MACROD2: variants seen among roughly 807,000 people sequenced by gnomAD.
The protein encoded by MACROD2 is ADP-ribose glycohydrolase MACROD2.
Under a neutral mutation model 70.4 loss-of-function variants are expected in MACROD2, and 36 were observed. The observed-to-expected ratio is 0.51, with a 90% CI of 0.39 to 0.68. The LOEUF is 0.68. MACROD2 is among the 30% of genes least tolerant of loss of function. The pLI, the probability that MACROD2 is intolerant of heterozygous loss-of-function variation, is 0.00. For synonymous variants in MACROD2, 172 were observed against 178.8 expected (o/e 0.96, Z 0.30); for missense variants, 496 against 538.4 (o/e 0.92, Z 0.78).
intron 5 of MACROD2, among the ~76,000 whole-genome samples, chr20:15,082,239 A>G (rs188509312): frequency 5.1e-4 from 78 of 152,340 alleles, no homozygotes; most frequent in African/African-American, 1.8e-3. Context: ...GAGAGGACAG[A>G]TTTCTGACTA....
chr20:14,379,839 TTTTG>T, intron 3 of MACROD2, among the ~76,000 whole-genome samples: 1 of 152,266 alleles, frequency 6.6e-6, no homozygotes, highest in East Asian at 1.9e-4. Context: ...ATAGGCCATA[TTTTG>T]TTTATTTATT....
intron 12 of MACROD2, among the ~76,000 whole-genome samples, chr20:15,944,571 T>G (rs1006523473): frequency 6.6e-6 from 1 of 152,150 alleles, no homozygotes; most frequent in African/African-American, 2.4e-5. Context: ...CAGTCTCAAT[T>G]TTGAATTGTT....
At chr20:15,847,941 T>C (rs1156294837) in intron 8 of MACROD2, among the ~76,000 whole-genome samples, 1 of 152,220 alleles carries the variant, frequency 6.6e-6, no homozygotes, top group Non-Finnish European at 1.5e-5. Flanking sequence ...ATAATTGTTT[T>C]TTCTCAGTTA....
At chr20:15,779,323 C>T (rs909895930) in intron 8 of MACROD2, among the ~76,000 whole-genome samples, 1 of 152,142 alleles carries the variant, frequency 6.6e-6, no homozygotes, top group Non-Finnish European at 1.5e-5. Flanking sequence ...ATCAAACAGG[C>T]ATTTTTATGC....
At chr20:14,111,349 A>G (rs1179684819) in intron 3 of MACROD2, among the ~76,000 whole-genome samples, 1 of 152,034 alleles carries the variant, frequency 6.6e-6, no homozygotes, top group Non-Finnish European at 1.5e-5. Context: ...AACCAAAGCA[A>G]ACATGGACAA....
At chr20:14,372,411 A>G (rs1019962243) in intron 3 of MACROD2, among the ~76,000 whole-genome samples, 2 of 152,124 alleles carry the variant, frequency 1.3e-5, no homozygotes, top group Non-Finnish European at 2.9e-5. Flanking sequence ...TGACTGTAAC[A>G]TGGGAATAAA....
intron 3 of MACROD2, among the ~76,000 whole-genome samples, chr20:14,408,019 C>T (rs2083710335): frequency 6.6e-6 from 1 of 152,052 alleles, no homozygotes; most frequent in Admixed American, 6.6e-5. Flanking sequence ...GTTCAAATGC[C>T]ACCTTTGGCA....
At chr20:16,043,368 TG>T (rs1461359408) in intron 16 of MACROD2, among the ~76,000 whole-genome samples, 1 of 152,094 alleles carries the variant, frequency 6.6e-6, no homozygotes, top group Non-Finnish European at 1.5e-5. Flanking sequence ...GACTGTGTTT[TG>T]GTTGCCTAGG....
At chr20:14,186,301 T>G (rs1428557093) in intron 3 of MACROD2, among the ~76,000 whole-genome samples, 1 of 152,108 alleles carries the variant, frequency 6.6e-6, no homozygotes, top group Non-Finnish European at 1.5e-5. Flanking sequence ...GGTTAAGGAA[T>G]GTGGTACTTC....
intron 5 of MACROD2, among the ~76,000 whole-genome samples, chr20:15,038,429 G>A (rs2075330670): frequency 6.6e-6 from 1 of 152,134 alleles, no homozygotes; most frequent in Admixed American, 6.5e-5. Context: ...TATTCAGCAA[G>A]GAATTCTTTC....
chr20:15,264,368 C>T (rs990135724), intron 6 of MACROD2, among the ~76,000 whole-genome samples: 3 of 152,156 alleles, frequency 2.0e-5, no homozygotes, highest in Non-Finnish European at 4.4e-5. Flanking sequence ...AGGGAACCTT[C>T]CTTCATTCTT....
At position 14,465,245 on chromosome 20, in the gene MACROD2, A is replaced by T. The variant is rs558423211; in HGVS notation, c.272-28234A>T. On this transcript the variant is annotated intron_variant, in intron 3 of 17. Coordinates refer to ENST00000684519, the MANE Select transcript of MACROD2 (RefSeq NM_001351661.2). Reference sequence around the variant, plus strand: ...TGTATTGGGTACATATATATTTAGGATAGTTAGTTCTTCTTGTTGAATTGA... The same window carrying T: ...TGTATTGGGTACATATATATTTAGGTTAGTTAGTTCTTCTTGTTGAATTGA... Among the ~76,000 whole-genome samples the T allele has an allele frequency of 2.0e-5, 3 of 152,000 alleles. 1 individual carries two copies. Among genetic ancestry groups the T allele is most frequent in the African/African-American group, 7.3e-5 (3 of 41,310 alleles).
At chr20:14,009,985 A>G (rs6079257) in intron 2 of MACROD2, among the ~76,000 whole-genome samples, 54,651 of 151,970 alleles carry the variant, frequency 0.36, 10,606 homozygotes, top group East Asian at 0.48. Context: ...TAAGGATGGG[A>G]GGAGTGAGAG....
intron 3 of MACROD2, among the ~76,000 whole-genome samples, chr20:14,256,453 A>AT (rs1319660579): frequency 1.3e-5 from 2 of 152,146 alleles, no homozygotes; most frequent in Admixed American, 6.6e-5. Flanking sequence ...TATATTAGAC[A>AT]TTTTTTTGTT....
intron 4 of MACROD2, among the ~76,000 whole-genome samples, chr20:14,605,257 T>C (rs1485163728): frequency 1.3e-5 from 2 of 152,236 alleles, no homozygotes; most frequent in East Asian, 3.9e-4. Context: ...CAGGTTTGGT[T>C]CCTTCTGAGA....
At chr20:14,208,818 T>C (rs1227776235) in intron 3 of MACROD2, among the ~76,000 whole-genome samples, 1 of 152,220 alleles carries the variant, frequency 6.6e-6, no homozygotes, top group Non-Finnish European at 1.5e-5. Flanking sequence ...ACTTGAATTA[T>C]GACAGTAGAC....
At chr20:15,179,493 A>G (rs1194157656) in intron 5 of MACROD2, among the ~76,000 whole-genome samples, 3 of 152,276 alleles carry the variant, frequency 2.0e-5, no homozygotes, top group African/African-American at 7.2e-5. Flanking sequence ...CCCAGACATC[A>G]GCCCTAAAAA....
intron 6 of MACROD2, among the ~76,000 whole-genome samples, chr20:15,328,977 A>G (rs79039011): frequency 9.1e-4 from 139 of 152,250 alleles, no homozygotes; most frequent in Middle Eastern, 3.4e-3. Flanking sequence ...TTAAAATACT[A>G]TGGTGTATTT....
At chr20:14,153,680 A>G (rs998033833) in intron 3 of MACROD2, among the ~76,000 whole-genome samples, 2 of 152,230 alleles carry the variant, frequency 1.3e-5, no homozygotes, top group Non-Finnish European at 2.9e-5. Flanking sequence ...TTCAAAAAAG[A>G]TGTGATATAT....
Sources: allele counts gnomAD v4.1 joint callset (sites outside exome capture counted in the v4.1 genomes callset), GRCh38; gene constraint gnomAD v4.1.1; transcripts MANE v1.5; gene names NCBI Gene and HGNC (gene_info 2026-07-23, HGNC 2026-07-21).